ATP8A1: variants seen among roughly 807,000 people sequenced by gnomAD.
The protein encoded by ATP8A1 is phospholipid-transporting ATPase IA.
ATP8A1 carries 90 observed loss-of-function variants against 177.7 expected under a neutral mutation model. The ratio of observed to expected loss-of-function variants is 0.51; its 90% CI spans 0.43 to 0.60. The LOEUF is 0.60. ATP8A1 is among the 20% of genes least tolerant of loss of function. ATP8A1 has a pLI of 0.00. For missense variants in ATP8A1, 1,072 were observed against 1,392.8 expected, an observed-to-expected ratio of 0.77 and a Z score of 3.67; for synonymous variants, 493 against 485.9, an observed-to-expected ratio of 1.01 and a Z score of -0.19.
At chr4:42,480,921 G>A (rs1383510173) in intron 25 of ATP8A1, among the ~76,000 whole-genome samples, 1 of 152,172 alleles carries the variant, frequency 6.6e-6, no homozygotes, top group East Asian at 1.9e-4. Context: ...TATGTAGAAC[G>A]ATGATTACTA....
intron 6 of ATP8A1, among the ~76,000 whole-genome samples, chr4:42,591,708 T>C (rs1734201634): frequency 6.6e-6 from 1 of 152,166 alleles, no homozygotes. Context: ...TCATTATTTA[T>C]TAAATGCTAA....
intron 25 of ATP8A1, among the ~76,000 whole-genome samples, chr4:42,465,359 C>A (rs936543918): frequency 1.3e-5 from 2 of 152,178 alleles, no homozygotes; most frequent in African/African-American, 4.8e-5. Flanking sequence ...GCCTTTACTT[C>A]CTAACAAACA....
intron 25 of ATP8A1, among the ~76,000 whole-genome samples, chr4:42,484,174 TGTAAAA>T (rs1211236206): frequency 1.3e-5 from 2 of 152,220 alleles, no homozygotes; most frequent in Non-Finnish European, 2.9e-5. Context: ...GCAAAATCAC[TGTAAAA>T]GTAAATTTTA....
intron 20 of ATP8A1, among the ~76,000 whole-genome samples, chr4:42,543,674 T>C (rs1195143870): frequency 6.6e-6 from 1 of 152,164 alleles, no homozygotes; most frequent in Non-Finnish European, 1.5e-5. Flanking sequence ...CCTCAAATAT[T>C]ATGTATCAAA....
chr4:42,548,970 T>C (rs759074155), intron 19 of ATP8A1, 43 bp downstream of exon 19: 4 of 1,458,746 alleles, frequency 2.7e-6, no homozygotes, highest in Non-Finnish European at 3.8e-6. Context: ...AAAATGGATA[T>C]AAATTTATCT....
At chr4:42,560,674 T>C (rs1193903649) in intron 15 of ATP8A1, among the ~76,000 whole-genome samples, 3 of 151,818 alleles carry the variant, frequency 2.0e-5, no homozygotes, top group Admixed American at 6.6e-5. Context: ...AAATTACGAA[T>C]TCTTTAACAT....
intron 20 of ATP8A1, among the ~76,000 whole-genome samples, chr4:42,533,060 T>C (rs1727440445): frequency 6.6e-6 from 1 of 152,218 alleles, no homozygotes; most frequent in Non-Finnish European, 1.5e-5. Flanking sequence ...CAAAGCCTGT[T>C]TGGTGAACTC....
intron 25 of ATP8A1, among the ~76,000 whole-genome samples, chr4:42,466,246 C>A (rs1402687049): frequency 6.6e-6 from 1 of 152,122 alleles, no homozygotes; most frequent in Non-Finnish European, 1.5e-5. Context: ...AGAAAAACAT[C>A]TCAGAGCTAA....
chr4:42,487,588 TTTA>T (rs1157485046), intron 24 of ATP8A1, among the ~76,000 whole-genome samples: 1 of 152,104 alleles, frequency 6.6e-6, no homozygotes, highest in Non-Finnish European at 1.5e-5. Flanking sequence ...TATAACAATT[TTTA>T]TTATGTTCAT....
intron 20 of ATP8A1, among the ~76,000 whole-genome samples, chr4:42,526,219 CTT>C (rs1726658281): frequency 1.3e-5 from 1 of 75,026 alleles, no homozygotes; most frequent in Non-Finnish European, 4.0e-5. Flanking sequence ...TTTCTACCTT[CTT>C]TATAGTGTTG....
intron 30 of ATP8A1, 101 bp downstream of exon 30, chr4:42,451,880 A>G: frequency 1.2e-6 from 1 of 816,644 alleles, no homozygotes; most frequent in Non-Finnish European, 1.9e-6. Flanking sequence ...GAGAAATATC[A>G]TACAATGAAA....
chr4:42,506,951 A>G (rs886286734), intron 23 of ATP8A1, 65 bp downstream of exon 23: 7 of 1,529,622 alleles, frequency 4.6e-6, no homozygotes, highest in South Asian at 3.6e-5. Flanking sequence ...TCTCAAATCC[A>G]TCTTCTGAAC....
At chr4:42,552,405 T>TA in intron 17 of ATP8A1, 100 bp downstream of exon 17, 1 of 978,274 alleles carries the variant, frequency 1.0e-6, no homozygotes, top group East Asian at 2.7e-5. Context: ...AATTTTTATC[T>TA]AAAAAACACT....
chr4:42,549,278 T>C (rs1365125579), intron 18 of ATP8A1, among the ~76,000 whole-genome samples: 1 of 152,140 alleles, frequency 6.6e-6, no homozygotes, highest in Non-Finnish European at 1.5e-5. Context: ...AACCAAAAAG[T>C]GTCACCGAAG....
At chr4:42,464,028 T>A (rs906320873) in intron 27 of ATP8A1, among the ~76,000 whole-genome samples, 8 of 152,120 alleles carry the variant, frequency 5.3e-5, no homozygotes, top group African/African-American at 1.2e-4. Context: ...TCACCTTTTT[T>A]AAAAAATAGC....
chr4:42,545,542 C>G (rs749868214), intron 19 of ATP8A1, among the ~76,000 whole-genome samples: 37 of 152,336 alleles, frequency 2.4e-4, no homozygotes, highest in Non-Finnish European at 5.0e-4. Flanking sequence ...TGCCCAGTAA[C>G]CCAGCACATT....
At chr4:42,571,609 C>T (rs1007969008) in intron 14 of ATP8A1, among the ~76,000 whole-genome samples, 1 of 152,068 alleles carries the variant, frequency 6.6e-6, no homozygotes, top group African/African-American at 2.4e-5. Flanking sequence ...TTATTCCCTA[C>T]AAGAAGCAAT....
At chr4:42,565,557 G>A (rs1307210390) in intron 15 of ATP8A1, among the ~76,000 whole-genome samples, 1 of 152,220 alleles carries the variant, frequency 6.6e-6, no homozygotes, top group African/African-American at 2.4e-5. Context: ...ACTTTAAGGT[G>A]ATCCTTCTGG....
chr4:42,436,033 G>C (rs543081676), intron 33 of ATP8A1, among the ~76,000 whole-genome samples: 2 of 152,270 alleles, frequency 1.3e-5, no homozygotes, highest in South Asian at 4.2e-4. Context: ...TTGAGGAACA[G>C]TGCCTGGCAC....
Sources: allele counts gnomAD v4.1 joint callset (sites outside exome capture counted in the v4.1 genomes callset), GRCh38; gene constraint gnomAD v4.1.1; transcripts MANE v1.5; gene names NCBI Gene and HGNC (gene_info 2026-07-23, HGNC 2026-07-21).